Variants in FGD6 observed in about 807,000 individuals in gnomAD.
FGD6 encodes the protein FYVE, RhoGEF and PH domain-containing protein 6.
Under a neutral mutation model 149.4 loss-of-function variants are expected in FGD6, and 90 were observed. The observed-to-expected ratio is 0.60, with a 90% CI of 0.51 to 0.72. The LOEUF is 0.72. Ranked by LOEUF, FGD6 falls within the 30% of genes least tolerant of loss-of-function variation. The pLI is 0.00. For synonymous variants in FGD6, 527 were observed against 584.0 expected, an observed-to-expected ratio of 0.90 and a Z score of 1.41; for missense variants, 1,437 against 1,684.8, an observed-to-expected ratio of 0.85 and a Z score of 2.57.
intron 8 of FGD6, among the ~76,000 whole-genome samples, chr12:95,123,033 C>T (rs1040025159): frequency 1.3e-5 from 2 of 148,992 alleles, no homozygotes; most frequent in African/African-American, 2.5e-5. Flanking sequence ...ACAGCCTGAG[C>T]GACAGAGTGA....
chr12:95,149,461 A>G, intron 5 of FGD6, among the ~76,000 whole-genome samples: 1 of 132,946 alleles, frequency 7.5e-6, no homozygotes. Context: ...ATAGTATATT[A>G]TACATCACAT....
intron 8 of FGD6, among the ~76,000 whole-genome samples, chr12:95,119,856 G>A (rs1281583571): frequency 6.6e-6 from 1 of 152,160 alleles, no homozygotes; most frequent in African/African-American, 2.4e-5. Context: ...GGAGGCAGAG[G>A]TTGCAGTGAG....
At chr12:95,121,427 G>A (rs1429168974) in intron 8 of FGD6, among the ~76,000 whole-genome samples, 1 of 126,878 alleles carries the variant, frequency 7.9e-6, no homozygotes, top group Non-Finnish European at 1.6e-5. Flanking sequence ...TCCAGCCTGG[G>A]TAATAAGAGT....
At chr12:95,155,515 T>C (rs1042904166) in intron 3 of FGD6, among the ~76,000 whole-genome samples, 1 of 152,072 alleles carries the variant, frequency 6.6e-6, no homozygotes, top group African/African-American at 2.4e-5. Flanking sequence ...GCAAGAAAAG[T>C]GAAACTCTGT....
At position 95,113,673 on chromosome 12, in the gene FGD6, A is replaced by G; in HGVS notation, c.3111T>C (p.Ala1037=). 1 of 1,595,388 alleles carries G rather than the reference A, an allele frequency of 6.3e-7. No individual in the cohort carries two copies. The highest frequency in any genetic ancestry group is 8.5e-7 in the Non-Finnish European group (1 of 1,173,372). The stretch of plus-strand genomic sequence containing the variant: ...TACCTTGAGTGTCTCTGTAATCTCC[A>G]GCATCTTCTATGAGATTCTTCAAAT... ...TDYLKNLIED[A]GDYRDTQDAL... The change falls in exon 9 of 21, where the codon GCT becomes GCC. Residue 1037 remains alanine (A), a synonymous_variant. Coordinates refer to ENST00000343958, the MANE Select transcript of FGD6 (RefSeq NM_018351.4).
intron 8 of FGD6, among the ~76,000 whole-genome samples, chr12:95,128,376 AC>A (rs980332883): frequency 2.6e-5 from 4 of 152,120 alleles, no homozygotes; most frequent in African/African-American, 9.7e-5. Context: ...AGCTGGGATG[AC>A]CGGTGTGTGC....
rs141207724 is a variant in FGD6, at chr12:95,172,618, G to C, written c.2568C>G (p.Asp856Glu). Reference protein sequence around the residue: ...VSSESSKGEPDPLEDKQDEDN... With the variant: ...VSSESSKGEPEPLEDKQDEDN... ...AGTATACCTGTTTATCTTCCAGTGG[G>C]TCAGGCTCTCCTTTACTTGACTCAG... The change falls in exon 3 of 21, where the codon GAC becomes GAG. Residue 856 changes from aspartate to glutamate, a missense_variant. Transcript: ENST00000343958. 10 of 1,609,062 alleles carry C rather than the reference G, an allele frequency of 6.2e-6. No homozygotes were observed. The highest frequency in any genetic ancestry group is 8.5e-6 in the Non-Finnish European group (10 of 1,177,138).
At chr12:95,144,746 G>A (rs1188942610) in intron 5 of FGD6, among the ~76,000 whole-genome samples, 1 of 151,170 alleles carries the variant, frequency 6.6e-6, no homozygotes, top group Admixed American at 6.6e-5. Flanking sequence ...GGAGTGCAGT[G>A]GTGCAATCTC....
intron 14 of FGD6, among the ~76,000 whole-genome samples, chr12:95,099,737 A>T (rs1294347414): frequency 6.6e-6 from 1 of 152,072 alleles, no homozygotes; most frequent in Non-Finnish European, 1.5e-5. Flanking sequence ...TGTCTTCTAC[A>T]AAGAAGCCGG....
intron 5 of FGD6, among the ~76,000 whole-genome samples, chr12:95,147,590 C>G (rs1012726295): frequency 3.3e-5 from 5 of 152,106 alleles, no homozygotes; most frequent in Non-Finnish European, 5.9e-5. Flanking sequence ...ATATCCTATA[C>G]AGCATGGTAG....
chr12:95,188,194 T>C (rs888458334), intron 2 of FGD6, among the ~76,000 whole-genome samples: 1 of 152,204 alleles, frequency 6.6e-6, no homozygotes, highest in Non-Finnish European at 1.5e-5. Flanking sequence ...GAAATTTTCA[T>C]ATTGCACTGA....
rs201508341 is a variant in FGD6 at position 95,165,979 on chromosome 12, T to C, written c.2586+6621A>G. ...TCTTTTTCTGTTTTTTTTTTTTTTTTCAATAGGGTCTTGCTCTGTTGCTCA... is the reference window on the plus strand; with the variant it reads ...TCTTTTTCTGTTTTTTTTTTTTTTTCCAATAGGGTCTTGCTCTGTTGCTCA... On this transcript the variant is annotated intron_variant, in intron 3 of 20. Coordinates refer to ENST00000343958, the MANE Select transcript of FGD6 (RefSeq NM_018351.4). 4.0e-5 allele frequency among the ~76,000 whole-genome samples: 6 copies of C among 148,818 alleles called. No individual in the cohort carries two copies. In the East Asian group the frequency reaches 1.2e-3, roughly 29 times the overall value.
chr12:95,159,596 G>T (rs1880578759), intron 3 of FGD6, among the ~76,000 whole-genome samples: 1 of 152,182 alleles, frequency 6.6e-6, no homozygotes, highest in Non-Finnish European at 1.5e-5. Flanking sequence ...CTCATATTTT[G>T]GGAGGCCAAG....
At chr12:95,182,078 C>T (rs1245994993) in intron 2 of FGD6, among the ~76,000 whole-genome samples, 1 of 152,058 alleles carries the variant, frequency 6.6e-6, no homozygotes, top group Non-Finnish European at 1.5e-5. Context: ...CCCTTCACAT[C>T]CTCATTATGT....
chr12:95,115,615 C>T (rs988926700), intron 8 of FGD6, among the ~76,000 whole-genome samples: 1 of 152,072 alleles, frequency 6.6e-6, no homozygotes, highest in African/African-American at 2.4e-5. Flanking sequence ...ATTCTAATGC[C>T]AGTGGGAACT....
At chr12:95,200,100 C>A (rs1761553972) in intron 2 of FGD6, among the ~76,000 whole-genome samples, 1 of 152,008 alleles carries the variant, frequency 6.6e-6, no homozygotes. Context: ...TATTAAAAAC[C>A]ATATCTACTC....
chr12:95,100,813 G>T, intron 14 of FGD6: 1 of 434,104 alleles, frequency 2.3e-6, no homozygotes, highest in Non-Finnish European at 4.5e-6. Context: ...CAACATTGAT[G>T]GTAAGGATCA....
chr12:95,187,286 G>T (rs539149718), intron 2 of FGD6, among the ~76,000 whole-genome samples: 2 of 149,376 alleles, frequency 1.3e-5, no homozygotes, highest in African/African-American at 2.5e-5. Flanking sequence ...AGCCGAGATC[G>T]TGCCACTGCA....
intron 11 of FGD6, 123 bp downstream of exon 11, chr12:95,108,225 G>A: frequency 1.2e-6 from 1 of 818,620 alleles, no homozygotes; most frequent in East Asian, 2.7e-5. Flanking sequence ...AACGGATAAA[G>A]TGATCAAAAT....
Sources: gnomAD v4.1 joint callset for allele counts (sites outside exome capture counted in the v4.1 genomes callset) on GRCh38, gnomAD v4.1.1 for gene constraint, MANE v1.5 for transcripts, NCBI Gene and HGNC (gene_info 2026-07-23, HGNC 2026-07-21) for gene names.